CYFIP1: variants seen among roughly 807,000 people sequenced by gnomAD.
CYFIP1 encodes cytoplasmic FMR1-interacting protein 1.
CYFIP1 carries 58 observed loss-of-function variants against 163.5 expected under a neutral mutation model. That is an observed-to-expected ratio of 0.35 (90% confidence interval 0.29 to 0.44). CYFIP1 has a LOEUF of 0.44. CYFIP1 is among the 20% of genes least tolerant of loss of function. The probability of loss-of-function intolerance (pLI) is 1.00; values close to 1 mark genes in which losing one functional copy is unlikely to be tolerated. For missense variants in CYFIP1, 1,338 were observed against 1,653.8 expected, an observed-to-expected ratio of 0.81 and a Z score of 3.31; for synonymous variants, 663 against 660.7, an observed-to-expected ratio of 1.00 and a Z score of -0.05.
intron 6 of CYFIP1, among the ~76,000 whole-genome samples, chr15:22,940,647 G>T (rs765739652): frequency 7.2e-5 from 11 of 152,204 alleles, no homozygotes; most frequent in Non-Finnish European, 1.5e-4. Flanking sequence ...GAAATAAACT[G>T]CAATCTTTTT....
At chr15:22,912,119 A>G in intron 18 of CYFIP1, 60 bp downstream of exon 18, 1 of 1,452,052 alleles carries the variant, frequency 6.9e-7, no homozygotes, top group Non-Finnish European at 9.5e-7. Flanking sequence ...GGAGAAAACA[A>G]AAAGAGAAAG....
chr15:22,945,088 A>G (rs970909063), intron 3 of CYFIP1, 149 bp from the exon 4 acceptor site: 11 of 796,126 alleles, frequency 1.4e-5, no homozygotes, highest in Non-Finnish European at 2.2e-5. Flanking sequence ...AGCTAGTGAC[A>G]CTGAGGTGCG....
chr15:22,924,895 C>T (rs1022630123), intron 13 of CYFIP1, among the ~76,000 whole-genome samples: 1 of 151,970 alleles, frequency 6.6e-6, no homozygotes, highest in Non-Finnish European at 1.5e-5. Context: ...AACTTGGTGA[C>T]ACCCCATCTC....
intron 6 of CYFIP1, among the ~76,000 whole-genome samples, chr15:22,941,408 A>C (rs2061888923): frequency 1.3e-5 from 2 of 152,002 alleles, no homozygotes; most frequent in Admixed American, 1.3e-4. Context: ...GCGGGTGGGG[A>C]GACTAAGGAA....
chr15:22,980,841 C>G (rs1211867067), upstream of CYFIP1, among the ~76,000 whole-genome samples: 1 of 151,878 alleles, frequency 6.6e-6, no homozygotes, highest in African/African-American at 2.4e-5. Flanking sequence ...AGCTGCAGGT[C>G]GGCGCGCAGA....
chr15:22,954,260 T>A (rs530248811), intron 1 of CYFIP1, among the ~76,000 whole-genome samples: 1 of 152,088 alleles, frequency 6.6e-6, no homozygotes, highest in Non-Finnish European at 1.5e-5. Context: ...GGCCCCCTGA[T>A]CTCAGACTCC....
Position 22,933,038 on chromosome 15 carries a change from T to C in CYFIP1, c.993-698A>G, listed in dbSNP as rs552514432. ...TCATACAGTCAAGGTCTCACTGTGT[T>C]GCCCAGGCTGGTCTCAAACTCCTGA... On this transcript the variant is annotated intron_variant, in intron 10 of 30. Coordinates refer to ENST00000617928, the MANE Select transcript of CYFIP1 (RefSeq NM_014608.6). Among the ~76,000 whole-genome samples, 24 of 152,198 alleles carry C rather than the reference T, an allele frequency of 1.6e-4. No homozygotes were observed. The East Asian group carries it at 3.7e-3, about 23-fold the overall frequency.
At chr15:22,896,517 T>A (rs187203099) in intron 22 of CYFIP1, among the ~76,000 whole-genome samples, 7 of 152,228 alleles carry the variant, frequency 4.6e-5, no homozygotes, top group Admixed American at 6.5e-5. Flanking sequence ...GTTTTTTTCA[T>A]CATTTTTTTC....
At chr15:22,952,381 C>T (rs2062281161) in intron 1 of CYFIP1, among the ~76,000 whole-genome samples, 2 of 151,914 alleles carry the variant, frequency 1.3e-5, no homozygotes, top group Middle Eastern at 3.2e-3. Context: ...TGGGGGAGGA[C>T]GCGGTGGCTC....
At chr15:22,951,667 C>T (rs192297902) in intron 1 of CYFIP1, 2 of 763,112 alleles carry the variant, frequency 2.6e-6, no homozygotes, top group African/African-American at 3.6e-5. Context: ...CAGGTCGGAC[C>T]GAGCACCCTG....
intron 16 of CYFIP1, 185 bp from the exon 17 acceptor site, chr15:22,915,067 G>T: frequency 2.0e-6 from 1 of 506,014 alleles, no homozygotes; most frequent in Non-Finnish European, 3.4e-6. Flanking sequence ...GCTGGGCATA[G>T]CTGCAGGTAA....
chr15:22,936,337 G>T (rs1419388515), intron 9 of CYFIP1, among the ~76,000 whole-genome samples: 1 of 152,166 alleles, frequency 6.6e-6, no homozygotes, highest in Non-Finnish European at 1.5e-5. Flanking sequence ...AGGGAAAAAA[G>T]AGCAAAACAC....
intron 9 of CYFIP1, among the ~76,000 whole-genome samples, chr15:22,935,657 C>T (rs944611976): frequency 6.6e-6 from 1 of 151,922 alleles, no homozygotes; most frequent in Non-Finnish European, 1.5e-5. Flanking sequence ...CTGGTCAAAG[C>T]GTATAAAGTT....
rs143778549 is a variant in CYFIP1 at position 22,923,243 on chromosome 15, A to T, written c.1359+2739T>A. On this transcript the variant is annotated intron_variant, in intron 13 of 30. Transcript: ENST00000617928. ...TGTAAGGAACTGATATTTAGAATGT[A>T]TAAGGAACTGTTACAACTCAATAAT... Among the ~76,000 whole-genome samples the T allele has an allele frequency of 4.7e-4, 72 of 152,314 alleles. 2 individuals are homozygous for T. The East Asian group carries it at 0.012, about 26-fold the overall frequency.
intron 18 of CYFIP1, 53 bp from the exon 19 acceptor site, chr15:22,910,866 A>G (rs2060764170): frequency 6.8e-6 from 10 of 1,474,038 alleles, no homozygotes; most frequent in Non-Finnish European, 8.5e-6. Context: ...GCAAGATCAA[A>G]TAACAAGGTG....
chr15:22,964,244 C>T (rs2062805407), intron 1 of CYFIP1, among the ~76,000 whole-genome samples: 1 of 149,032 alleles, frequency 6.7e-6, no homozygotes, highest in African/African-American at 2.5e-5. Flanking sequence ...CCTACCCCAC[C>T]CCCATGCAGA....
rs1978750 is a variant in CYFIP1, at chr15:22,879,683, C to T, written c.3042+230G>A. On this transcript the variant is annotated intron_variant, in intron 26 of 30. Transcript: ENST00000617928. ...ATCACATAATATAACAGTTTTATGA[C>T]GTTAACACAGAAAAACATTCTTGAG... is the stretch of plus-strand genomic sequence containing the variant. Among the ~76,000 whole-genome samples, 405 of 149,766 alleles carry T rather than the reference C, an allele frequency of 2.7e-3. 6 individuals are homozygous for T. The highest frequency in any genetic ancestry group is 8.6e-3 in the African/African-American group (355 of 41,298).
intron 22 of CYFIP1, among the ~76,000 whole-genome samples, chr15:22,901,950 T>C (rs895812853): frequency 6.6e-6 from 1 of 152,126 alleles, no homozygotes; most frequent in Non-Finnish European, 1.5e-5. Flanking sequence ...AAACCGGAGC[T>C]CTTCTGCAGA....
At chr15:22,970,627 A>G (rs1378011664) in intron 1 of CYFIP1, among the ~76,000 whole-genome samples, 7 of 152,236 alleles carry the variant, frequency 4.6e-5, no homozygotes. Context: ...AAGAACCCAG[A>G]CATAAACCTT....
Sources: allele counts gnomAD v4.1 joint callset (sites outside exome capture counted in the v4.1 genomes callset), GRCh38; gene constraint gnomAD v4.1.1; transcripts MANE v1.5; gene names NCBI Gene and HGNC (gene_info 2026-07-23, HGNC 2026-07-21).